Variants in NCAPH observed in about 807,000 individuals in gnomAD.
The protein encoded by NCAPH is non-SMC condensin I complex subunit H, also known as condensin complex subunit 2.
A neutral mutation model predicts 85.5 loss-of-function variants in NCAPH; 38 were observed. The observed-to-expected ratio is 0.44, with a 90% CI of 0.34 to 0.58. The LOEUF (loss-of-function observed/expected upper bound fraction) is 0.58, where lower values mean the gene tolerates loss of function less well. Ranked by LOEUF, NCAPH falls within the 20% of genes least tolerant of loss-of-function variation. The probability of loss-of-function intolerance (pLI) is 0.01; values close to 1 mark genes in which losing one functional copy is unlikely to be tolerated. For synonymous variants in NCAPH, 301 were observed against 335.1 expected, an observed-to-expected ratio of 0.90 and a Z score of 1.11; for missense variants, 789 against 916.6, an observed-to-expected ratio of 0.86 and a Z score of 1.80.
At chr2:96,357,249 G>A (rs1438402255) in intron 9 of NCAPH, among the ~76,000 whole-genome samples, 4 of 152,120 alleles carry the variant, frequency 2.6e-5, no homozygotes, top group East Asian at 1.9e-4. Context: ...TTGAAGGAGG[G>A]ACCCTGTGAT....
intron 9 of NCAPH, among the ~76,000 whole-genome samples, chr2:96,357,760 A>C (rs1384439465): frequency 1.3e-5 from 2 of 152,124 alleles, no homozygotes; most frequent in Non-Finnish European, 2.9e-5. Flanking sequence ...TTTGTTTTTT[A>C]AAATTCTGTA....
At chr2:96,369,650 C>G in intron 17 of NCAPH, 150 bp downstream of exon 17, 1 of 763,534 alleles carries the variant, frequency 1.3e-6, no homozygotes, top group Non-Finnish European at 2.2e-6. Flanking sequence ...ATTAGCCAGG[C>G]ATCTAGAAGT....
At chr2:96,359,501 G>A (rs1166431280) in intron 10 of NCAPH, 2 of 353,256 alleles carry the variant, frequency 5.7e-6, no homozygotes, top group South Asian at 5.0e-5. Context: ...CATGACCCCC[G>A]GGCACTAGAG....
chr2:96,348,496 T>G (rs2064391831), intron 6 of NCAPH, among the ~76,000 whole-genome samples: 1 of 151,414 alleles, frequency 6.6e-6, no homozygotes, highest in South Asian at 2.1e-4. Flanking sequence ...CTGGCCTATG[T>G]CAAGGTCTTT....
At chr2:96,359,555 C>T (rs1573086072) in intron 10 of NCAPH, 1 of 268,726 alleles carries the variant, frequency 3.7e-6, no homozygotes, top group East Asian at 8.5e-5. Context: ...TGTAGAACTC[C>T]AAAGGGCTGT....
chr2:96,356,268 C>A (rs1305575294), intron 9 of NCAPH, among the ~76,000 whole-genome samples: 1 of 152,162 alleles, frequency 6.6e-6, no homozygotes, highest in Non-Finnish European at 1.5e-5. Context: ...ACATCGCTGG[C>A]CTTTCCTGGG....
Position 96,369,063 on chromosome 2 carries a change from G to A in NCAPH, c.2090G>A (p.Ser697Asn). 6.4e-7 allele frequency: 1 copy of A among 1,553,998 alleles called. No homozygotes were observed. Residue 697 changes from serine (S) to asparagine (N), a missense_variant and splice_region_variant, in exon 16 of 18, where the codon AGC (serine) becomes AAC (asparagine). Physicochemically the swap from Ser to Asn is conservative, Grantham distance 46. Coordinates refer to ENST00000240423, the MANE Select transcript of NCAPH (RefSeq NM_015341.5). ...GGGCTCACGAAGGACCTGCAGAGGAGGTGCGGGCTGGCAGGCATGGGGGCT... is the reference window on the plus strand; with the variant it reads ...GGGCTCACGAAGGACCTGCAGAGGAAGTGCGGGCTGGCAGGCATGGGGGCT... ...LSGLTKDLQR[S>N]LPPVMAQNLS... is the part of the protein sequence containing the mutation.
intron 12 of NCAPH, among the ~76,000 whole-genome samples, chr2:96,362,383 A>G (rs1470931277): frequency 6.6e-6 from 1 of 152,092 alleles, no homozygotes; most frequent in Admixed American, 6.6e-5. Context: ...TAATCCTAGC[A>G]CTTTGGGAGG....
intron 12 of NCAPH, among the ~76,000 whole-genome samples, chr2:96,363,434 C>A (rs2104485159): frequency 6.6e-6 from 1 of 152,272 alleles, no homozygotes; most frequent in Middle Eastern, 3.4e-3. Context: ...TGGGGCGTTT[C>A]TTAATTCAAG....
At chr2:96,369,830 A>G (rs1425539568) in intron 17 of NCAPH, among the ~76,000 whole-genome samples, 1 of 152,240 alleles carries the variant, frequency 6.6e-6, no homozygotes, top group Non-Finnish European at 1.5e-5. Context: ...GCCTAGTAGT[A>G]CCAAAGTCAA....
At position 96,374,202 on chromosome 2, in the gene NCAPH, G is replaced by A. The variant is rs777697311; in HGVS notation, c.*851G>A. Among the ~76,000 whole-genome samples the A allele has an allele frequency of 4.6e-5, 7 of 152,186 alleles. No homozygotes were observed. The highest frequency in any genetic ancestry group is 1.0e-4 in the Non-Finnish European group (7 of 68,024). On this transcript the variant is annotated 3_prime_UTR_variant, in exon 18 of 18. Transcript: ENST00000240423. ...TAGAGGAACTTGCAAAAGGGCAGCC[G>A]GCAAACTGTCAGGGGTGGCCTGAGC...
intron 7 of NCAPH, 39 bp downstream of exon 7, chr2:96,352,059 C>A: frequency 6.5e-7 from 1 of 1,541,284 alleles, no homozygotes; most frequent in South Asian, 1.2e-5. Flanking sequence ...GCATTTCAGT[C>A]ATTGGGGAAT....
In NCAPH at chr2:96,344,231, T is replaced by G; in HGVS notation, c.720+2T>G. ...TCCGAAGCAGATCGGAAGTGTGAGG[T>G]GAGGAACTGTATGCGCAGTGTGGTT... On this transcript the variant is annotated splice_donor_variant, in intron 6 of 17. Coordinates refer to ENST00000240423, the MANE Select transcript of NCAPH (RefSeq NM_015341.5). LOFTEE classifies it high-confidence loss of function. 1 of 1,606,254 alleles carries G rather than the reference T, an allele frequency of 6.2e-7. No homozygotes were observed. The highest frequency in any genetic ancestry group is 1.3e-5 in the African/African-American group (1 of 74,544).
intron 2 of NCAPH, 22 bp from the exon 3 acceptor site, chr2:96,342,027 GT>G (rs750139276): frequency 9.3e-6 from 15 of 1,605,172 alleles, no homozygotes; most frequent in Non-Finnish European, 1.3e-5. Context: ...TGCCAGAGTT[GT>G]TTGTTTTTGT....
At chr2:96,347,917 G>A (rs1022086696) in intron 6 of NCAPH, among the ~76,000 whole-genome samples, 5 of 152,114 alleles carry the variant, frequency 3.3e-5, no homozygotes, top group African/African-American at 7.2e-5. Context: ...TGAGAATGAG[G>A]CCTAAGAGGG....
chr2:96,356,236 C>CG (rs1221328835), intron 9 of NCAPH, among the ~76,000 whole-genome samples: 1 of 152,200 alleles, frequency 6.6e-6, no homozygotes, highest in Non-Finnish European at 1.5e-5. Context: ...TTTTACCCAT[C>CG]CTTAAATCCC....
chr2:96,365,756 ACT>A (rs1194914271), intron 13 of NCAPH, 118 bp from the exon 14 acceptor site: 1 of 974,880 alleles, frequency 1.0e-6, no homozygotes, highest in Non-Finnish European at 1.6e-6. Flanking sequence ...TCGTAGTGTA[ACT>A]CACTGAGTGA....
chr2:96,350,555 T>C (rs2064426348), intron 6 of NCAPH, among the ~76,000 whole-genome samples: 1 of 152,156 alleles, frequency 6.6e-6, no homozygotes. Context: ...AAGGGTCATA[T>C]TGCTGGCTCT....
At chr2:96,359,228 G>A in intron 10 of NCAPH, 35 bp downstream of exon 10, 4 of 1,611,322 alleles carry the variant, frequency 2.5e-6, no homozygotes, top group Non-Finnish European at 2.5e-6. Flanking sequence ...AAGAAAAGAA[G>A]TAGTGTAGAT....
Sources: allele counts gnomAD v4.1 joint callset (sites outside exome capture counted in the v4.1 genomes callset), GRCh38; gene constraint gnomAD v4.1.1; transcripts MANE v1.5; gene names NCBI Gene and HGNC (gene_info 2026-07-23, HGNC 2026-07-21).